RBFOX3: variants seen among roughly 807,000 people sequenced by gnomAD.
The protein encoded by RBFOX3 is RNA binding fox-1 homolog 3.
A neutral mutation model predicts 48.7 loss-of-function variants in RBFOX3; 17 were observed. That is an observed-to-expected ratio of 0.35 (90% confidence interval 0.24 to 0.52). The LOEUF is 0.52. RBFOX3 is among the 20% of genes least tolerant of loss of function. The probability of loss-of-function intolerance (pLI) is 0.94; values close to 1 mark genes in which losing one functional copy is unlikely to be tolerated. For synonymous variants in RBFOX3, 212 were observed against 209.5 expected (o/e 1.01, Z -0.10); for missense variants, 382 against 497.5 (o/e 0.77, Z 2.21).
intron 1 of RBFOX3, among the ~76,000 whole-genome samples, chr17:79,579,131 G>A (rs1036832677): frequency 6.6e-6 from 1 of 152,196 alleles, no homozygotes; most frequent in Non-Finnish European, 1.5e-5. Context: ...TCCCACTCCT[G>A]CCCTTGCCTA....
rs2069501947 is a variant in RBFOX3 at position 79,278,624 on chromosome 17, G to A, written c.-74+29100C>T. On this transcript the variant is annotated intron_variant, in intron 3 of 14. Transcript: ENST00000693108. ...CGGGCCTGTGCCCAGTCTTGGCCTG[G>A]AGATCTGCCCTGCCAGCGGCAGCCC... Among the ~76,000 whole-genome samples, 3 of 152,234 alleles carry A rather than the reference G, an allele frequency of 2.0e-5. No homozygotes were observed. The South Asian group carries it at 6.2e-4, about 32-fold the overall frequency.
At chr17:79,116,876 C>T (rs1327336607) in intron 4 of RBFOX3, among the ~76,000 whole-genome samples, 2 of 152,262 alleles carry the variant, frequency 1.3e-5, no homozygotes, top group Non-Finnish European at 2.9e-5. Flanking sequence ...CCTGGGCCCA[C>T]AGCATCAGCA....
At chr17:79,164,478 C>T (rs1028098414) in intron 4 of RBFOX3, among the ~76,000 whole-genome samples, 2 of 152,086 alleles carry the variant, frequency 1.3e-5, no homozygotes, top group Admixed American at 1.3e-4. Context: ...TGGGGGTGGG[C>T]GGCACTTCAC....
chr17:79,402,197 G>A (rs1568186113), intron 2 of RBFOX3, among the ~76,000 whole-genome samples: 1 of 152,240 alleles, frequency 6.6e-6, no homozygotes. Flanking sequence ...AGGGAGGCAG[G>A]ATCCACTTGG....
At position 79,554,480 on chromosome 17, in the gene RBFOX3, T is replaced by TC. The variant is rs2091449070; in HGVS notation, c.-320+56345dup. Reference sequence around the variant, plus strand: ...GTCACCCCTCACCTGGCCCTCTCCATCTTCACTCACAGTCACCCCCGACCT... The same window carrying TC: ...GTCACCCCTCACCTGGCCCTCTCCATCCTTCACTCACAGTCACCCCCGACCT... On this transcript the variant is annotated intron_variant, in intron 1 of 14. Coordinates refer to ENST00000693108, the MANE Select transcript of RBFOX3 (RefSeq NM_001350451.2). Among the ~76,000 whole-genome samples the TC allele has an allele frequency of 9.2e-4, 133 of 144,342 alleles. 10 individuals are homozygous for TC. The highest frequency in any genetic ancestry group is 3.4e-3 in the Middle Eastern group (1 of 290). 94.7% of individuals were successfully genotyped at this position (144,342 alleles called of 152,430 possible).
intron 3 of RBFOX3, among the ~76,000 whole-genome samples, chr17:79,240,468 G>C (rs909425175): frequency 6.6e-6 from 1 of 152,180 alleles, no homozygotes; most frequent in Admixed American, 6.5e-5. Context: ...TGTGTCCCCA[G>C]CTCTTTGATA....
chr17:79,557,212 T>G (rs1425064309), intron 1 of RBFOX3, among the ~76,000 whole-genome samples: 2 of 111,824 alleles, frequency 1.8e-5, no homozygotes, highest in South Asian at 2.9e-4. Context: ...GGTGACAGAG[T>G]GAGACACTGT....
At chr17:79,378,406 A>G (rs2059480671) in intron 2 of RBFOX3, among the ~76,000 whole-genome samples, 1 of 152,250 alleles carries the variant, frequency 6.6e-6, no homozygotes, top group South Asian at 2.1e-4. Context: ...GCCCCAGACC[A>G]TAACTTCCAT....
At chr17:79,120,132 C>T (rs917200152) in intron 4 of RBFOX3, among the ~76,000 whole-genome samples, 4 of 152,170 alleles carry the variant, frequency 2.6e-5, no homozygotes, top group Non-Finnish European at 5.9e-5. Context: ...CTCAGATGAC[C>T]TCATGTTGGA....
intron 2 of RBFOX3, among the ~76,000 whole-genome samples, chr17:79,383,912 A>C (rs980684557): frequency 6.6e-6 from 1 of 152,060 alleles, no homozygotes; most frequent in Non-Finnish European, 1.5e-5. Context: ...CGGGACCCCC[A>C]TATGTGGCAA....
intron 4 of RBFOX3, among the ~76,000 whole-genome samples, chr17:79,217,239 C>T (rs746204052): frequency 2.0e-5 from 3 of 152,320 alleles, no homozygotes; most frequent in Non-Finnish European, 4.4e-5. Context: ...GCAAGTTTGC[C>T]AGCTTTAAAA....
chr17:79,465,703 G>A (rs9899419), intron 2 of RBFOX3, among the ~76,000 whole-genome samples: 7,267 of 152,270 alleles, frequency 0.048, 547 homozygotes, highest in African/African-American at 0.16. Flanking sequence ...GAGGGCTCCC[G>A]TCGGGGCCTG....
At chr17:79,650,520 C>T in the RBFOX3 span, among the ~76,000 whole-genome samples, 1 of 152,094 alleles carries the variant, frequency 6.6e-6, no homozygotes, top group African/African-American at 2.4e-5. Context: ...CCCACTGAGG[C>T]GCATTTCCAC....
intron 2 of RBFOX3, among the ~76,000 whole-genome samples, chr17:79,415,316 G>T (rs950705917): frequency 9.2e-5 from 14 of 152,222 alleles, no homozygotes; most frequent in African/African-American, 3.4e-4. Flanking sequence ...GACCCTGAGT[G>T]ATCCCCACAT....
chr17:79,585,748 G>A (rs1378638270), intron 1 of RBFOX3, among the ~76,000 whole-genome samples: 2 of 152,084 alleles, frequency 1.3e-5, no homozygotes, highest in Non-Finnish European at 2.9e-5. Flanking sequence ...CCAGTAGGGA[G>A]GATGAGCCCA....
intron 2 of RBFOX3, among the ~76,000 whole-genome samples, chr17:79,345,393 T>C (rs962136010): frequency 6.6e-6 from 1 of 152,234 alleles, no homozygotes; most frequent in Non-Finnish European, 1.5e-5. Flanking sequence ...TTATCAGTTT[T>C]ATTGCTCTGT....
chr17:79,569,431 G>A (rs982094497), intron 1 of RBFOX3, among the ~76,000 whole-genome samples: 12 of 152,146 alleles, frequency 7.9e-5, no homozygotes, highest in Non-Finnish European at 1.5e-4. Context: ...CTATGGCTAC[G>A]CACTATTCCA....
At chr17:79,182,739 GCCTCCCTCGCCAGGCGGGTGGCCCA>G (rs1261718897) in intron 4 of RBFOX3, among the ~76,000 whole-genome samples, 2 of 151,744 alleles carry the variant, frequency 1.3e-5, no homozygotes, top group East Asian at 3.9e-4. Flanking sequence ...AGCTCCTGGG[GCCTCCCTCGCCAGGCGGGTGGCCCA>G]CCTCCCCCGC....
intron 5 of RBFOX3, among the ~76,000 whole-genome samples, chr17:79,108,422 G>A (rs1033404901): frequency 4.6e-5 from 7 of 152,262 alleles, no homozygotes; most frequent in East Asian, 1.9e-4. Context: ...GCTAGGCGAA[G>A]CACCTGGCTG....
Sources: gnomAD v4.1 joint callset for allele counts (sites outside exome capture counted in the v4.1 genomes callset) on GRCh38, gnomAD v4.1.1 for gene constraint, MANE v1.5 for transcripts, NCBI Gene and HGNC (gene_info 2026-07-23, HGNC 2026-07-21) for gene names.